Variants in LIG1 observed in about 807,000 individuals in gnomAD.
LIG1 encodes the protein DNA ligase 1, also known as ligase I, DNA, ATP-dependent.
In LIG1, 70 loss-of-function variants were observed where a neutral mutation model predicts 115.7. The ratio of observed to expected loss-of-function variants is 0.60; its 90% CI spans 0.50 to 0.74. The LOEUF is 0.74. Ranked by LOEUF, LIG1 falls within the 30% of genes least tolerant of loss-of-function variation. The pLI is 0.00. For synonymous variants in LIG1, 487 were observed against 495.3 expected (o/e 0.98, Z 0.22); for missense variants, 1,115 against 1,225.6 (o/e 0.91, Z 1.35).
At chr19:48,120,235 T>C (rs1169955787) in intron 24 of LIG1, 8 of 985,090 alleles carry the variant, frequency 8.1e-6, no homozygotes, top group Non-Finnish European at 9.6e-6. Context: ...CACAGCACTA[T>C]GTGCTATGGG....
intron 2 of LIG1, among the ~76,000 whole-genome samples, chr19:48,164,986 C>A (rs111931741): frequency 2.0e-5 from 3 of 152,194 alleles, no homozygotes; most frequent in Non-Finnish European, 4.4e-5. Context: ...ACTGGCCGGG[C>A]GCCGTGGCTC....
In LIG1 at chr19:48,157,017, T is replaced by A. The variant is rs750191246; in HGVS notation, c.367A>T (p.Thr123Ser). 2 of 1,598,860 alleles carry A rather than the reference T, an allele frequency of 1.3e-6. No homozygotes were observed. Among genetic ancestry groups the A allele is most frequent in the Admixed American group, 3.4e-5 (2 of 59,406 alleles). The part of the protein sequence containing the change: ...SSPSGIPKRR[T>S]ARKQLPKRTI... ...GCAGGGGCCCGTGTGTTCTCACCTG[T>A]GCGACGCTTCGGAATCCCTGATGGG... Residue 123 changes from threonine (T) to serine (S), a missense_variant, in exon 5 of 28, where the codon ACA (threonine) becomes TCA (serine). Coordinates refer to ENST00000263274, the MANE Select transcript of LIG1 (RefSeq NM_000234.3).
At chr19:48,163,204 C>G (rs1435078314) in intron 2 of LIG1, among the ~76,000 whole-genome samples, 1 of 146,222 alleles carries the variant, frequency 6.8e-6, no homozygotes, top group Non-Finnish European at 1.5e-5. Context: ...AGGCATGTGC[C>G]CCCGCGCCCA....
chr19:48,160,123 G>A (rs1171434996), intron 4 of LIG1, among the ~76,000 whole-genome samples: 2 of 152,180 alleles, frequency 1.3e-5, no homozygotes, highest in East Asian at 3.9e-4. Flanking sequence ...CTGACACCTT[G>A]AGTTTAGCCC....
At chr19:48,170,164 G>A in intron 1 of LIG1, 77 bp downstream of exon 1, 1 of 453,870 alleles carries the variant, frequency 2.2e-6, no homozygotes, top group Non-Finnish European at 4.4e-6. Context: ...ACCCCGACAT[G>A]GCGAAGCATA....
intron 2 of LIG1, among the ~76,000 whole-genome samples, chr19:48,165,059 G>C (rs966594995): frequency 1.3e-5 from 2 of 152,204 alleles, no homozygotes; most frequent in African/African-American, 4.8e-5. Flanking sequence ...AGGAGTTTGA[G>C]ACCAGCCTGA....
intron 11 of LIG1, among the ~76,000 whole-genome samples, chr19:48,142,863 G>C (rs1175827208): frequency 1.3e-5 from 2 of 152,132 alleles, no homozygotes; most frequent in Non-Finnish European, 2.9e-5. Flanking sequence ...GGCTGGTCTT[G>C]AACTCCTGAC....
chr19:48,161,997 TGGCCAGC>T (rs955644246), intron 3 of LIG1, among the ~76,000 whole-genome samples: 9 of 151,860 alleles, frequency 5.9e-5, no homozygotes, highest in Non-Finnish European at 8.8e-5. Context: ...ACGTGGCCAG[TGGCCAGC>T]GGCCAGCTTC....
chr19:48,167,183 T>A (rs1165161557), intron 1 of LIG1, among the ~76,000 whole-genome samples: 1 of 150,906 alleles, frequency 6.6e-6, no homozygotes, highest in East Asian at 1.9e-4. Flanking sequence ...ATTTTCTATA[T>A]CTTTAATATT....
At chr19:48,116,447 C>CAAA (rs57648628) in intron 26 of LIG1, among the ~76,000 whole-genome samples, 10 of 98,360 alleles carry the variant, frequency 1.0e-4, no homozygotes, top group Admixed American at 3.7e-4. Flanking sequence ...GACTCCAACT[C>CAAA]AAAAAAAAAA....
Position 48,149,955 on chromosome 19 carries a change from T to C in LIG1, c.698-114A>G, listed in dbSNP as rs1273063685. 27 of 1,555,326 alleles carry C rather than the reference T, an allele frequency of 1.7e-5. No individual in the cohort carries two copies. The South Asian group carries it at 2.5e-4, about 14-fold the overall frequency. On this transcript the variant is annotated intron_variant, in intron 8 of 27. Coordinates refer to ENST00000263274, the MANE Select transcript of LIG1 (RefSeq NM_000234.3). ...CTCAGGGAGATGGGAGACAGGCTGG[T>C]AGAGACAAGGCCGACTTTCCAACCA...
chr19:48,136,950 T>A, intron 14 of LIG1, 58 bp downstream of exon 14: 1 of 1,374,156 alleles, frequency 7.3e-7, no homozygotes, highest in Non-Finnish European at 1.0e-6. Flanking sequence ...AGTCCCTCCC[T>A]CCTTTCACCT....
chr19:48,151,203 C>T, intron 7 of LIG1, 29 bp downstream of exon 7: 1 of 1,400,064 alleles, frequency 7.1e-7, no homozygotes, highest in Non-Finnish European at 1.0e-6. Flanking sequence ...GGAGGTGGGG[C>T]AGGGCGGAGG....
rs12981963 is a variant in LIG1 at position 48,157,028 on chromosome 19, G to A, written c.356C>T (p.Pro119Leu). Residue 119 changes from proline to leucine, a missense_variant, in exon 5 of 28, where the codon CCG (proline) becomes CTG (leucine). Transcript: ENST00000263274. ...TGTGTTCTCACCTGTGCGACGCTTCGGAATCCCTGATGGGGAACTGTCCAT... is the reference window on the plus strand; with the variant it reads ...TGTGTTCTCACCTGTGCGACGCTTCAGAATCCCTGATGGGGAACTGTCCAT... ...SPMDSSPSGI[P>L]KRRTARKQLP... The A allele has an allele frequency of 9.2e-5, 148 of 1,608,588 alleles. No homozygotes were observed. Among genetic ancestry groups the A allele is most frequent in the Admixed American group, 5.2e-4 (31 of 59,760 alleles).
At chr19:48,164,276 A>G (rs2036353735) in intron 2 of LIG1, among the ~76,000 whole-genome samples, 1 of 152,172 alleles carries the variant, frequency 6.6e-6, no homozygotes, top group Non-Finnish European at 1.5e-5. Flanking sequence ...TGGAGAGACA[A>G]TCCCCAGATT....
At chr19:48,165,663 G>C in intron 1 of LIG1, 40 bp from the exon 2 acceptor site, 1 of 1,451,102 alleles carries the variant, frequency 6.9e-7, no homozygotes, top group Non-Finnish European at 9.7e-7. Flanking sequence ...GTGATTGGTT[G>C]TGCAGAGATC....
Position 48,132,964 on chromosome 19 carries a change from A to G in LIG1, c.1725+18T>C. 1 of 1,546,954 alleles carries G rather than the reference A, an allele frequency of 6.5e-7. No individual in the cohort carries two copies. Reference sequence around the variant, plus strand: ...ACGTTTTCCTGTCTGTGGAAGGGACATGTCCCACTCCCCATACCTGTGCCC... The same window carrying G: ...ACGTTTTCCTGTCTGTGGAAGGGACGTGTCCCACTCCCCATACCTGTGCCC... On this transcript the variant is annotated intron_variant, in intron 18 of 27. Coordinates refer to ENST00000263274, the MANE Select transcript of LIG1 (RefSeq NM_000234.3).
rs2035677740 is a variant in LIG1, at chr19:48,154,000, T to G, written c.371-33A>C. 3 of 1,581,112 alleles carry G rather than the reference T, an allele frequency of 1.9e-6. No individual in the cohort carries two copies. In the African/African-American group the frequency reaches 4.0e-5, roughly 21 times the overall value. On this transcript the variant is annotated intron_variant, in intron 5 of 27. Coordinates refer to ENST00000263274, the MANE Select transcript of LIG1 (RefSeq NM_000234.3). ...GGCAAAGGGCTTGGTGTATCTGACC[T>G]CGCTGGCTCGTGTGCTCCCATCCCG...
At chr19:48,118,117 G>C (rs1408441418) in intron 25 of LIG1, among the ~76,000 whole-genome samples, 1 of 152,114 alleles carries the variant, frequency 6.6e-6, no homozygotes, top group Non-Finnish European at 1.5e-5. Flanking sequence ...GGCAGAGAAA[G>C]GGCCAGAGAC....
Sources: gnomAD v4.1 joint callset for allele counts (sites outside exome capture counted in the v4.1 genomes callset) on GRCh38, gnomAD v4.1.1 for gene constraint, MANE v1.5 for transcripts, NCBI Gene and HGNC (gene_info 2026-07-23, HGNC 2026-07-21) for gene names.